The following IGSF10 variants were observed in gnomAD, a reference collection of about 807,000 sequenced individuals.
IGSF10 encodes calvaria mechanical force protein 608.
Under a neutral mutation model 128.2 loss-of-function variants are expected in IGSF10, and 126 were observed. That is an observed-to-expected ratio of 0.98 (90% confidence interval 0.85 to 1.14). The LOEUF (loss-of-function observed/expected upper bound fraction) is 1.14, where lower values mean the gene tolerates loss of function less well. IGSF10 is among the 50% of genes most tolerant of loss of function. IGSF10 has a pLI of 0.00. For synonymous variants in IGSF10, 1,185 were observed against 1,146.2 expected (o/e 1.03, Z -0.68); for missense variants, 3,295 against 3,149.8 (o/e 1.05, Z -1.10).
the IGSF10 span, among the ~76,000 whole-genome samples, chr3:151,529,719 G>C: frequency 6.6e-6 from 1 of 152,130 alleles, no homozygotes; most frequent in Non-Finnish European, 1.5e-5. Context: ...CAACATCAAA[G>C]ACCAAAGGTA....
At chr3:151,500,130 A>G in the IGSF10 span, among the ~76,000 whole-genome samples, 5 of 152,330 alleles carry the variant, frequency 3.3e-5, no homozygotes, top group East Asian at 9.6e-4. Context: ...CTTCTTAGGA[A>G]TAGCACCTTG....
At position 151,445,417 on chromosome 3, in the gene IGSF10, C is replaced by T. The variant is rs61741157; in HGVS notation, c.4564G>A (p.Val1522Ile). Reference sequence around the variant, plus strand: ...GGGTGAACCTTGGGGGATGTTGCAACCTCTGCTACTAATTGCTGTGGTTTA... The same window carrying T: ...GGGTGAACCTTGGGGGATGTTGCAATCTCTGCTACTAATTGCTGTGGTTTA... ...NAKPQQLVAE[V>I]ATSPKVHPNA... The change falls in exon 6 of 8, where the codon GTT becomes ATT. Residue 1522 changes from valine to isoleucine, a missense_variant. Physicochemically the swap from Val to Ile is conservative, Grantham distance 29. Transcript: ENST00000282466. 2,461 of 1,614,200 alleles carry T rather than the reference C, an allele frequency of 1.5e-3. 31 individuals are homozygous for T. The African/African-American group carries it at 0.028, about 18-fold the overall frequency.
chr3:151,608,167 A>C, the IGSF10 span, among the ~76,000 whole-genome samples: 3 of 152,178 alleles, frequency 2.0e-5, no homozygotes, highest in Non-Finnish European at 4.4e-5. Context: ...AATATGCTTT[A>C]GCATATCCTT....
chr3:151,585,920 C>T, the IGSF10 span, among the ~76,000 whole-genome samples: 344 of 151,748 alleles, frequency 2.3e-3, 2 homozygotes, highest in African/African-American at 7.9e-3. Flanking sequence ...AGAGATTAAA[C>T]GTTATATTTA....
chr3:151,501,903 A>G, the IGSF10 span, among the ~76,000 whole-genome samples: 2 of 152,080 alleles, frequency 1.3e-5, no homozygotes, highest in African/African-American at 2.4e-5. Context: ...CAATAAATTG[A>G]TAACAGCTCA....
the IGSF10 span, among the ~76,000 whole-genome samples, chr3:151,524,615 T>C: frequency 1.3e-5 from 2 of 152,050 alleles, no homozygotes; most frequent in Non-Finnish European, 2.9e-5. Flanking sequence ...CAACAGACAC[T>C]GTGGTCTACT....
Position 151,436,507 on chromosome 3 carries a change from A to AAAT in IGSF10, c.*179_*181dup. 2.0e-6 allele frequency: 1 copy of AAAT among 490,876 alleles called. No individual in the cohort carries two copies. 30.4% of individuals were successfully genotyped at this position (490,876 alleles called of 1,614,324 possible). On this transcript the variant is annotated 3_prime_UTR_variant, in exon 8 of 8. Transcript: ENST00000282466. ...TTAAAAGTTTGTTTTGAGATCCATT[A>AAAT]AATAAATCAGTATCATCAGTTCATA...
chr3:151,612,564 A>G, the IGSF10 span, among the ~76,000 whole-genome samples: 1 of 152,204 alleles, frequency 6.6e-6, no homozygotes, highest in African/African-American at 2.4e-5. Context: ...CCACTCCCTA[A>G]AGAACCCATT....
At chr3:151,459,763 T>C (rs1246860477) in intron 2 of IGSF10, among the ~76,000 whole-genome samples, 1 of 152,204 alleles carries the variant, frequency 6.6e-6, no homozygotes, top group African/African-American at 2.4e-5. Context: ...AAATAAACTC[T>C]TTATTGTGCT....
the IGSF10 span, among the ~76,000 whole-genome samples, chr3:151,610,182 A>C: frequency 6.6e-6 from 1 of 152,168 alleles, no homozygotes; most frequent in Non-Finnish European, 1.5e-5. Context: ...GCATTGGTAA[A>C]GGAAATATTG....
the IGSF10 span, among the ~76,000 whole-genome samples, chr3:151,551,696 C>CACATCTG: frequency 2.0e-5 from 3 of 146,760 alleles, no homozygotes; most frequent in Non-Finnish European, 4.6e-5. Context: ...CACACACACA[C>CACATCTG]ACACATCTGA....
chr3:151,500,366 AT>A, the IGSF10 span, among the ~76,000 whole-genome samples: 1 of 152,020 alleles, frequency 6.6e-6, no homozygotes, highest in East Asian at 1.9e-4. Context: ...TTTTGCTATT[AT>A]TTTTTTGAAT....
At chr3:151,482,341 TAA>T in the IGSF10 span, among the ~76,000 whole-genome samples, 2 of 152,158 alleles carry the variant, frequency 1.3e-5, no homozygotes, top group Non-Finnish European at 2.9e-5. Context: ...AGAAATTTAA[TAA>T]AGAGACCGGT....
the IGSF10 span, among the ~76,000 whole-genome samples, chr3:151,508,268 TG>T: frequency 6.6e-6 from 1 of 152,102 alleles, no homozygotes; most frequent in South Asian, 2.1e-4. Flanking sequence ...TAGAAAGTTA[TG>T]GAAAACATAA....
rs749108617 is a variant in IGSF10, at chr3:151,438,057, A to AT, written c.6503dup (p.Asp2168GlufsTer14). ...GCAACCAAAATATTTTTGGTTTGGG[A>AT]TCCCCAGTGACCTCACAGTCAAGGA... On this transcript the variant is annotated frameshift_variant, in exon 8 of 8. Coordinates refer to ENST00000282466, the MANE Select transcript of IGSF10 (RefSeq NM_178822.5). LOFTEE classifies it low-confidence loss of function (END_TRUNC). 1 of 1,614,176 alleles carries AT rather than the reference A, an allele frequency of 6.2e-7. No individual in the cohort carries two copies. The highest frequency in any genetic ancestry group is 1.1e-5 in the South Asian group (1 of 91,084).
At chr3:151,464,336 G>A (rs148472471), upstream of IGSF10, among the ~76,000 whole-genome samples, 1 of 152,094 alleles carries the variant, frequency 6.6e-6, no homozygotes, top group East Asian at 1.9e-4. Context: ...TAGTAAACAC[G>A]ACAATAAATA....
At chr3:151,440,323 C>G (rs897923905) in intron 7 of IGSF10, among the ~76,000 whole-genome samples, 1 of 152,148 alleles carries the variant, frequency 6.6e-6, no homozygotes, top group Non-Finnish European at 1.5e-5. Context: ...AACCACCACA[C>G]CCAGTCATCA....
At chr3:151,570,870 C>A in the IGSF10 span, among the ~76,000 whole-genome samples, 1 of 152,088 alleles carries the variant, frequency 6.6e-6, no homozygotes, top group African/African-American at 2.4e-5. Flanking sequence ...GGTTTTAGGT[C>A]TAACATTTAA....
Position 151,460,926 on chromosome 3 carries a change from G to GGATT in IGSF10, c.-89+16_-89+19dup. The GGATT allele has an allele frequency of 1.0e-6, 1 of 985,322 alleles. No homozygotes were observed. Among genetic ancestry groups the GGATT allele is most frequent in the Non-Finnish European group, 1.2e-6 (1 of 829,876 alleles). 61.0% of individuals were successfully genotyped at this position (985,322 alleles called of 1,614,324 possible). On this transcript the variant is annotated intron_variant, in intron 1 of 7. Coordinates refer to ENST00000282466, the MANE Select transcript of IGSF10 (RefSeq NM_178822.5). Reference sequence around the variant, plus strand: ...TGGGGTTCCAGCCCTTTCCGGGGAAGGATTGGCCGAGGCGCTCACCTGTTT... The same window carrying GGATT: ...TGGGGTTCCAGCCCTTTCCGGGGAAGGATTGATTGGCCGAGGCGCTCACCTGTTT...
Sources: allele counts gnomAD v4.1 joint callset (sites outside exome capture counted in the v4.1 genomes callset), GRCh38; gene constraint gnomAD v4.1.1; transcripts MANE v1.5; gene names NCBI Gene and HGNC (gene_info 2026-07-23, HGNC 2026-07-21).